Variants in MYO3A observed in about 807,000 individuals in gnomAD.
MYO3A encodes myosin IIIA.
MYO3A carries 180 observed loss-of-function variants against 192.7 expected under a neutral mutation model. That is an observed-to-expected ratio of 0.93 (90% confidence interval 0.83 to 1.06). The LOEUF (loss-of-function observed/expected upper bound fraction) is 1.06, where lower values mean the gene tolerates loss of function less well. MYO3A is among the 50% of genes least tolerant of loss of function. The pLI is 0.00. For missense variants in MYO3A, 1,896 were observed against 1,905.0 expected, an observed-to-expected ratio of 1.00 and a Z score of 0.09; for synonymous variants, 628 against 645.3, an observed-to-expected ratio of 0.97 and a Z score of 0.41.
At chr10:26,121,347 C>T (rs759330068) in intron 18 of MYO3A, among the ~76,000 whole-genome samples, 2 of 152,066 alleles carry the variant, frequency 1.3e-5, no homozygotes, top group East Asian at 1.9e-4. Flanking sequence ...ATATCTTCAA[C>T]AGCACAGCTT....
chr10:25,966,253 G>C (rs1048739238), intron 4 of MYO3A, among the ~76,000 whole-genome samples: 1 of 152,112 alleles, frequency 6.6e-6, no homozygotes, highest in Non-Finnish European at 1.5e-5. Flanking sequence ...ACGTGTGTGC[G>C]TAAGTTTACA....
intron 14 of MYO3A, among the ~76,000 whole-genome samples, chr10:26,083,499 G>A (rs1174390886): frequency 6.6e-6 from 1 of 151,994 alleles, no homozygotes; most frequent in African/African-American, 2.4e-5. Context: ...ATCTTGTCTG[G>A]TTGCTCTTAT....
chr10:26,026,022 T>C (rs1842523215), intron 9 of MYO3A, among the ~76,000 whole-genome samples: 1 of 152,250 alleles, frequency 6.6e-6, no homozygotes, highest in Admixed American at 6.5e-5. Flanking sequence ...AATGACTTCA[T>C]TGTCATTTAT....
In MYO3A at chr10:25,943,734, C is replaced by T. The variant is rs188605553; in HGVS notation, c.-18+7904C>T. Among the ~76,000 whole-genome samples the T allele has an allele frequency of 4.1e-3, 619 of 149,630 alleles. 5 individuals are homozygous for T. The highest frequency in any genetic ancestry group is 0.014 in the African/African-American group (583 of 40,816). On this transcript the variant is annotated intron_variant, in intron 2 of 34. Coordinates refer to ENST00000642920, the MANE Select transcript of MYO3A (RefSeq NM_017433.5). Reference sequence around the variant, plus strand: ...TTTTGCATGTTGATTTTGTATCCTGCAGCTTTGCTGAATTCATTAATTAGT... The same window carrying T: ...TTTTGCATGTTGATTTTGTATCCTGTAGCTTTGCTGAATTCATTAATTAGT...
chr10:25,989,347 C>G (rs1287395541), intron 4 of MYO3A, among the ~76,000 whole-genome samples: 2 of 151,690 alleles, frequency 1.3e-5, no homozygotes, highest in Non-Finnish European at 2.9e-5. Flanking sequence ...GCCAGCAGCA[C>G]TAGGCCACAG....
intron 26 of MYO3A, among the ~76,000 whole-genome samples, chr10:26,158,163 G>A (rs941158060): frequency 1.3e-5 from 2 of 152,110 alleles, no homozygotes; most frequent in African/African-American, 4.8e-5. Context: ...CGGTGATTTG[G>A]AAGATGAAAC....
chr10:26,081,133 T>TCCCCCCCACC (rs1835905949), intron 14 of MYO3A, among the ~76,000 whole-genome samples: 1 of 84,940 alleles, frequency 1.2e-5, no homozygotes, highest in Non-Finnish European at 2.5e-5. Flanking sequence ...TATATGCCCT[T>TCCCCCCCACC]CCCCCCCCCC....
chr10:26,047,887 CTT>C (rs113078742), intron 10 of MYO3A, among the ~76,000 whole-genome samples: 1 of 149,702 alleles, frequency 6.7e-6, no homozygotes, highest in Non-Finnish European at 1.5e-5. Context: ...AATTTGTATT[CTT>C]TTTTTTTTGC....
Position 26,067,078 on chromosome 10 carries a change from A to G in MYO3A, c.1053+4A>G. On this transcript the variant is annotated splice_donor_region_variant and intron_variant, in intron 11 of 34. Coordinates refer to ENST00000642920, the MANE Select transcript of MYO3A (RefSeq NM_017433.5). ...AACCCTAGAAATTTTGGATGAGGTAAGAATTTCAGTTTAATTAAACTTAGA... is the reference window on the plus strand; with the variant it reads ...AACCCTAGAAATTTTGGATGAGGTAGGAATTTCAGTTTAATTAAACTTAGA... 1 of 1,575,388 alleles carries G rather than the reference A, an allele frequency of 6.3e-7. No individual in the cohort carries two copies. Among genetic ancestry groups the G allele is most frequent in the East Asian group, 2.2e-5 (1 of 44,602 alleles).
intron 10 of MYO3A, among the ~76,000 whole-genome samples, chr10:26,046,513 G>A (rs72795806): frequency 0.16 from 24,723 of 152,136 alleles, 2,295 homozygotes; most frequent in Non-Finnish European, 0.21. Context: ...GCACATAAAC[G>A]GAACATTAAT....
At chr10:25,940,606 G>C (rs1466114694) in intron 2 of MYO3A, among the ~76,000 whole-genome samples, 4 of 151,990 alleles carry the variant, frequency 2.6e-5, no homozygotes, top group African/African-American at 4.8e-5. Context: ...ATATCCTTTA[G>C]AAGTGCTCTT....
At chr10:26,093,768 C>A (rs1375618924) in intron 15 of MYO3A, among the ~76,000 whole-genome samples, 1 of 152,200 alleles carries the variant, frequency 6.6e-6, no homozygotes, top group Non-Finnish European at 1.5e-5. Context: ...ACCTCTCCCC[C>A]TCTCTTAAAA....
chr10:26,187,485 C>CT (rs1564631999), intron 31 of MYO3A, among the ~76,000 whole-genome samples: 1 of 151,614 alleles, frequency 6.6e-6, no homozygotes, highest in Non-Finnish European at 1.5e-5. Flanking sequence ...TTGTGTGTGT[C>CT]TGTCTTTTTT....
intron 26 of MYO3A, 123 bp from the exon 27 acceptor site, chr10:26,165,944 T>C: frequency 3.5e-6 from 3 of 846,890 alleles, no homozygotes; most frequent in East Asian, 4.8e-5. Context: ...GCCTAAAGGA[T>C]TTCTCCGCAT....
intron 26 of MYO3A, among the ~76,000 whole-genome samples, chr10:26,160,926 A>G (rs576854072): frequency 1.3e-5 from 2 of 152,360 alleles, no homozygotes; most frequent in South Asian, 4.2e-4. Context: ...TGTAGAGCAT[A>G]ATGAGAATAA....
intron 17 of MYO3A, among the ~76,000 whole-genome samples, chr10:26,104,442 G>T (rs1837663896): frequency 1.3e-5 from 2 of 152,090 alleles, no homozygotes; most frequent in Non-Finnish European, 2.9e-5. Context: ...TTGTTGGAAA[G>T]ATTATCCTTT....
At chr10:26,076,104 A>C (rs1449269063) in intron 14 of MYO3A, among the ~76,000 whole-genome samples, 1 of 152,006 alleles carries the variant, frequency 6.6e-6, no homozygotes, top group Non-Finnish European at 1.5e-5. Flanking sequence ...ACTAGTTTAC[A>C]TTCCCACCAG....
chr10:26,094,207 A>T (rs1264794978), intron 15 of MYO3A, among the ~76,000 whole-genome samples: 2 of 152,154 alleles, frequency 1.3e-5, no homozygotes, highest in East Asian at 3.9e-4. Flanking sequence ...AACCTACATG[A>T]CTGATGTGTT....
chr10:26,141,756 T>C (rs1384117330), intron 20 of MYO3A, among the ~76,000 whole-genome samples: 2 of 152,192 alleles, frequency 1.3e-5, no homozygotes, highest in African/African-American at 4.8e-5. Context: ...TCGTTTTCAT[T>C]TTCTTATACT....
Sources: allele counts gnomAD v4.1 joint callset (sites outside exome capture counted in the v4.1 genomes callset), GRCh38; gene constraint gnomAD v4.1.1; transcripts MANE v1.5; gene names NCBI Gene and HGNC (gene_info 2026-07-23, HGNC 2026-07-21).